Variants in SLC9A9 observed in about 807,000 individuals in gnomAD.
SLC9A9 encodes the protein solute carrier family 9 member A9.
Under a neutral mutation model 77.8 loss-of-function variants are expected in SLC9A9, and 62 were observed. The ratio of observed to expected loss-of-function variants is 0.80; its 90% CI spans 0.65 to 0.98. SLC9A9 has a LOEUF of 0.98. SLC9A9 is among the 50% of genes least tolerant of loss of function. SLC9A9 has a pLI of 0.00. For missense variants in SLC9A9, 775 were observed against 774.9 expected (o/e 1.00, Z 0.00); for synonymous variants, 320 against 283.5 (o/e 1.13, Z -1.29).
In SLC9A9 at chr3:143,712,397, T is replaced by C. The variant is rs116825903; in HGVS notation, c.534-19090A>G. On this transcript the variant is annotated intron_variant, in intron 4 of 15. Coordinates refer to ENST00000316549, the MANE Select transcript of SLC9A9 (RefSeq NM_173653.4). ...GAATTAAGTTTATTAAGCTATATAATAGACTGTTAATTGAGTGACTAATAT... is the reference window on the plus strand; with the variant it reads ...GAATTAAGTTTATTAAGCTATATAACAGACTGTTAATTGAGTGACTAATAT... 5.5e-3 allele frequency among the ~76,000 whole-genome samples: 836 copies of C among 152,342 alleles called. 4 individuals are homozygous for C. Among genetic ancestry groups the C allele is most frequent in the African/African-American group, 0.017 (709 of 41,576 alleles).
chr3:143,472,995 A>C (rs1230620281), intron 11 of SLC9A9, among the ~76,000 whole-genome samples: 1 of 138,734 alleles, frequency 7.2e-6, no homozygotes. Flanking sequence ...GAGGTTTACA[A>C]CTAGACTTGT....
chr3:143,322,864 A>G (rs547598837), intron 14 of SLC9A9, among the ~76,000 whole-genome samples: 35 of 152,210 alleles, frequency 2.3e-4, no homozygotes, highest in Non-Finnish European at 2.5e-4. Flanking sequence ...TAAAGCCAAT[A>G]AGAACTAACA....
intron 2 of SLC9A9, among the ~76,000 whole-genome samples, chr3:143,816,376 A>G (rs578142909): frequency 6.6e-6 from 1 of 152,272 alleles, no homozygotes; most frequent in East Asian, 1.9e-4. Context: ...CCTAATTTTA[A>G]AATACTTTTG....
intron 6 of SLC9A9, among the ~76,000 whole-genome samples, chr3:143,605,067 A>G (rs936174405): frequency 6.6e-6 from 1 of 152,092 alleles, no homozygotes; most frequent in African/African-American, 2.4e-5. Flanking sequence ...CATGGAGCGC[A>G]TTATGTTCAT....
In SLC9A9 at chr3:143,268,949, G is replaced by T; in HGVS notation, c.1636C>A (p.Pro546Thr). The T allele has an allele frequency of 6.2e-7, 1 of 1,613,646 alleles. No individual in the cohort carries two copies. Among genetic ancestry groups the T allele is most frequent in the South Asian group, 1.1e-5 (1 of 91,064 alleles). Residue 546 changes from proline (P) to threonine (T), a missense_variant, in exon 15 of 16, where the codon CCT becomes ACT. Transcript: ENST00000316549. The stretch of plus-strand genomic sequence containing the variant: ...TCAGGTAATGTTGTAGTCAGCGGAG[G>T]ACCAGAGTGGGTTAAAATTGGTTTC... ...YLKPILTHSG[P>T]PLTTTLPEWC...
chr3:143,625,282 G>A (rs1191470652), intron 6 of SLC9A9, among the ~76,000 whole-genome samples: 14 of 152,104 alleles, frequency 9.2e-5, no homozygotes, highest in Middle Eastern at 3.4e-3. Flanking sequence ...TTCATATGGA[G>A]CCAAAAAAGA....
At chr3:143,630,179 A>G (rs574971655) in intron 6 of SLC9A9, among the ~76,000 whole-genome samples, 1 of 152,324 alleles carries the variant, frequency 6.6e-6, no homozygotes, top group Non-Finnish European at 1.5e-5. Flanking sequence ...CATCAAGGAG[A>G]TGCTTCAAAC....
intron 9 of SLC9A9, among the ~76,000 whole-genome samples, chr3:143,512,764 T>C (rs115377577): frequency 0.013 from 2,001 of 152,200 alleles, 55 homozygotes; most frequent in African/African-American, 0.046. Flanking sequence ...TAAGTCCAGC[T>C]ACTTGGAAGA....
At chr3:143,515,921 T>A (rs908816335) in intron 9 of SLC9A9, among the ~76,000 whole-genome samples, 10 of 152,234 alleles carry the variant, frequency 6.6e-5, no homozygotes, top group African/African-American at 2.4e-4. Flanking sequence ...TTCTCTTTTG[T>A]CTTTTCTCTT....
intron 6 of SLC9A9, among the ~76,000 whole-genome samples, chr3:143,624,664 G>A (rs1263666889): frequency 6.6e-6 from 1 of 152,146 alleles, no homozygotes; most frequent in Non-Finnish European, 1.5e-5. Flanking sequence ...ATATCATACT[G>A]AATCGGCAAA....
intron 12 of SLC9A9, among the ~76,000 whole-genome samples, chr3:143,413,444 C>T (rs1050327029): frequency 3.9e-5 from 6 of 152,096 alleles, no homozygotes; most frequent in South Asian, 2.1e-4. Context: ...CACTCATTCC[C>T]GATTACAGAC....
In SLC9A9 at chr3:143,293,727, T is replaced by C. The variant is rs74590168; in HGVS notation, c.1605-24747A>G. Among the ~76,000 whole-genome samples the C allele has an allele frequency of 8.8e-3, 1,339 of 152,288 alleles. 24 individuals are homozygous for C. Among genetic ancestry groups the C allele is most frequent in the South Asian group, 0.07 (338 of 4,826 alleles). On this transcript the variant is annotated intron_variant, in intron 14 of 15. Coordinates refer to ENST00000316549, the MANE Select transcript of SLC9A9 (RefSeq NM_173653.4). ...TGGCCTGGAATTGGAAATTCTTGAATAACGTGACACTCAAGCATTGGGTAG... is the reference window on the plus strand; with the variant it reads ...TGGCCTGGAATTGGAAATTCTTGAACAACGTGACACTCAAGCATTGGGTAG...
chr3:143,358,752 A>G (rs545956757), intron 14 of SLC9A9, among the ~76,000 whole-genome samples: 1 of 152,200 alleles, frequency 6.6e-6, no homozygotes, highest in African/African-American at 2.4e-5. Context: ...TTACTTCCTC[A>G]TTATGAGAGA....
intron 12 of SLC9A9, among the ~76,000 whole-genome samples, chr3:143,439,629 C>T (rs1476171102): frequency 2.6e-5 from 4 of 152,168 alleles, no homozygotes; most frequent in African/African-American, 7.2e-5. Context: ...AGCCTTCACA[C>T]ATATGACTTA....
chr3:143,534,754 C>G (rs1230021280), intron 9 of SLC9A9, among the ~76,000 whole-genome samples: 6 of 152,124 alleles, frequency 3.9e-5, no homozygotes, highest in Admixed American at 3.3e-4. Context: ...CTCTGGTCAA[C>G]AAGTTGGGAT....
intron 11 of SLC9A9, among the ~76,000 whole-genome samples, chr3:143,490,055 T>C (rs1207805821): frequency 2.0e-5 from 3 of 152,106 alleles, no homozygotes; most frequent in Admixed American, 6.5e-5. Context: ...ATAAGAACAT[T>C]TGGGCACTGT....
chr3:143,358,402 A>T (rs2032651319), intron 14 of SLC9A9, among the ~76,000 whole-genome samples: 2 of 152,200 alleles, frequency 1.3e-5, no homozygotes. Flanking sequence ...TTACACTTAT[A>T]AAATGTTGGC....
At chr3:143,345,631 T>C (rs1023227548) in intron 14 of SLC9A9, among the ~76,000 whole-genome samples, 2 of 152,086 alleles carry the variant, frequency 1.3e-5, no homozygotes, top group African/African-American at 4.8e-5. Context: ...GCAGGATAGT[T>C]GGGTAGTATG....
intron 4 of SLC9A9, among the ~76,000 whole-genome samples, chr3:143,790,086 TAGTG>T (rs753265592): frequency 1.3e-5 from 2 of 152,106 alleles, no homozygotes; most frequent in Non-Finnish European, 2.9e-5. Context: ...GTTCTTATGA[TAGTG>T]AGTGAGTTCT....
Sources: gnomAD v4.1 joint callset for allele counts (sites outside exome capture counted in the v4.1 genomes callset) on GRCh38, gnomAD v4.1.1 for gene constraint, MANE v1.5 for transcripts, NCBI Gene and HGNC (gene_info 2026-07-23, HGNC 2026-07-21) for gene names.